The following CD8B2 variants were observed in gnomAD, a reference collection of about 807,000 sequenced individuals.
The protein encoded by CD8B2 is CD8B family member 2, also known as T-cell surface glycoprotein CD8 beta-2 chain.
In CD8B2, 11 loss-of-function variants were observed where a neutral mutation model predicts 23.7. The ratio of observed to expected loss-of-function variants is 0.46; its 90% CI spans 0.29 to 0.77. The LOEUF (loss-of-function observed/expected upper bound fraction) is 0.77, where lower values mean the gene tolerates loss of function less well. CD8B2 is among the 30% of genes least tolerant of loss of function. CD8B2 has a pLI of 0.09. For synonymous variants in CD8B2, 90 were observed against 109.3 expected, an observed-to-expected ratio of 0.82 and a Z score of 1.10; for missense variants, 197 against 270.5, an observed-to-expected ratio of 0.73 and a Z score of 1.91.
intron 5 of CD8B2, among the ~76,000 whole-genome samples, chr2:106,523,076 A>T (rs935183672): frequency 1.3e-5 from 2 of 152,108 alleles, no homozygotes; most frequent in African/African-American, 4.8e-5. Flanking sequence ...TTGAACTCAA[A>T]CCCAACTGGC....
Position 106,507,048 on chromosome 2 carries a change from G to C in CD8B2, c.*108G>C, listed in dbSNP as rs1679522673. ...ACATTCAACCCTGGAGAGTTCAATG[G>C]CTGCTGAAGCTGCCTGCTTTTCACT... is the stretch of plus-strand genomic sequence containing the variant. On this transcript the variant is annotated 3_prime_UTR_variant, in exon 6 of 6. Transcript: ENST00000643224. 6.7e-7 allele frequency: 1 copy of C among 1,496,886 alleles called. No individual in the cohort carries two copies. Among genetic ancestry groups the C allele is most frequent in the African/African-American group, 1.4e-5 (1 of 71,222 alleles). 92.7% of individuals were successfully genotyped at this position (1,496,886 alleles called of 1,614,324 possible).
chr2:106,520,326 G>T (rs1355181804), intron 5 of CD8B2, among the ~76,000 whole-genome samples: 1 of 152,208 alleles, frequency 6.6e-6, no homozygotes, highest in East Asian at 1.9e-4. Flanking sequence ...AAGGTGCTGT[G>T]AACCACAGAT....
intron 3 of CD8B2, among the ~76,000 whole-genome samples, chr2:106,500,567 A>ATTTT (rs200601667): frequency 3.4e-5 from 3 of 88,554 alleles, no homozygotes; most frequent in Admixed American, 1.0e-4. Flanking sequence ...TAAATAATTA[A>ATTTT]AAAATACCAA....
At chr2:106,538,727 T>C (rs977281210) in intron 5 of CD8B2, among the ~76,000 whole-genome samples, 2 of 152,124 alleles carry the variant, frequency 1.3e-5, no homozygotes, top group African/African-American at 2.4e-5. Flanking sequence ...TGGCCACATA[T>C]TTTCAAAGGT....
At position 106,507,372 on chromosome 2, in the gene CD8B2, G is replaced by A. The variant is rs1489766913; in HGVS notation, c.*432G>A. ...GGCTGGCTCCCTCTTGGTCTTCCCA[G>A]GCTGGGGCTGACCTTCCTCGCAGAG... On this transcript the variant is annotated 3_prime_UTR_variant, in exon 6 of 6. Coordinates refer to ENST00000643224, the MANE Select transcript of CD8B2 (RefSeq NM_001349727.2). 2 of 988,114 alleles carry A rather than the reference G, an allele frequency of 2.0e-6. No individual in the cohort carries two copies. The highest frequency in any genetic ancestry group is 1.1e-4 in the East Asian group (1 of 8,994). 61.2% of individuals were successfully genotyped at this position (988,114 alleles called of 1,614,324 possible).
chr2:106,531,398 G>A (rs1375560589), intron 5 of CD8B2, among the ~76,000 whole-genome samples: 3 of 152,192 alleles, frequency 2.0e-5, no homozygotes, highest in Admixed American at 2.0e-4. Flanking sequence ...TGAAACATCA[G>A]ACGCTGAAAC....
At position 106,509,269 on chromosome 2, in the gene CD8B2, G is replaced by A. The variant is rs1376020042; in HGVS notation, c.*2329G>A. ...CTCTGCCCATCAGCTCTGAGGACAA[G>A]GGACAGGCTGCCTTCCAAGGCTGAG... On this transcript the variant is annotated 3_prime_UTR_variant, in exon 6 of 6. Transcript: ENST00000643224. 1 of 152,160 alleles carries A rather than the reference G, an allele frequency of 6.6e-6. No individual in the cohort carries two copies. Among genetic ancestry groups the A allele is most frequent in the Non-Finnish European group, 1.5e-5 (1 of 68,038 alleles). 9.4% of individuals were successfully genotyped at this position (152,160 alleles called of 1,614,324 possible).
At chr2:106,530,545 A>AT (rs1417754036) in intron 5 of CD8B2, among the ~76,000 whole-genome samples, 1 of 152,022 alleles carries the variant, frequency 6.6e-6, no homozygotes, top group Non-Finnish European at 1.5e-5. Flanking sequence ...CGCCAGGCTA[A>AT]TTTTTTTGTA....
At chr2:106,523,978 T>C (rs1679869653) in intron 5 of CD8B2, among the ~76,000 whole-genome samples, 1 of 152,178 alleles carries the variant, frequency 6.6e-6, no homozygotes, top group African/African-American at 2.4e-5. Context: ...AGAGTAAATT[T>C]CTATGCTTAT....
downstream of CD8B2, among the ~76,000 whole-genome samples, chr2:106,514,261 G>C (rs1301580813): frequency 1.3e-5 from 2 of 149,860 alleles, no homozygotes; most frequent in Non-Finnish European, 3.0e-5. Flanking sequence ...GCGATTTGGT[G>C]GGGTGGGTGC....
intron 3 of CD8B2, 67 bp downstream of exon 3, chr2:106,496,329 C>T (rs1285684616): frequency 3.7e-6 from 5 of 1,354,230 alleles, no homozygotes; most frequent in Non-Finnish European, 5.1e-6. Flanking sequence ...CCTCCCTCCC[C>T]TCCTTCCTTC....
intron 5 of CD8B2, among the ~76,000 whole-genome samples, chr2:106,517,869 C>G (rs1679755418): frequency 6.6e-6 from 1 of 152,106 alleles, no homozygotes; most frequent in Non-Finnish European, 1.5e-5. Flanking sequence ...CCCGCCACAA[C>G]GCCCGGCTAA....
Position 106,492,833 on chromosome 2 carries a change from G to A in CD8B2, c.403+1600G>A, listed in dbSNP as rs374421667. Among the ~76,000 whole-genome samples the A allele has an allele frequency of 5.3e-5, 8 of 152,354 alleles. No homozygotes were observed. In the South Asian group the frequency reaches 8.3e-4, roughly 16 times the overall value. On this transcript the variant is annotated intron_variant, in intron 2 of 5. Transcript: ENST00000643224. ...GCCTGGGAGGGTGTATTGCAGGCAA[G>A]AAGCTGAGGCATCCCTTCACGTGGG...
intron 3 of CD8B2, among the ~76,000 whole-genome samples, chr2:106,499,700 C>T (rs1277421673): frequency 1.3e-5 from 2 of 151,852 alleles, no homozygotes; most frequent in African/African-American, 4.8e-5. Context: ...ATTCCCTGTG[C>T]TTGTTCACAG....
At chr2:106,536,514 G>T (rs906993232) in intron 5 of CD8B2, among the ~76,000 whole-genome samples, 1 of 152,186 alleles carries the variant, frequency 6.6e-6, no homozygotes, top group East Asian at 1.9e-4. Flanking sequence ...TTAGATATAG[G>T]TTGGTGGGAG....
chr2:106,539,753 A>G (rs1452416383), intron 5 of CD8B2, among the ~76,000 whole-genome samples: 1 of 152,226 alleles, frequency 6.6e-6, no homozygotes, highest in Non-Finnish European at 1.5e-5. Flanking sequence ...ACGGCTTGGA[A>G]ACCAAGCCTC....
intron 1 of CD8B2, among the ~76,000 whole-genome samples, chr2:106,487,773 T>C (rs1057507660): frequency 4.6e-5 from 7 of 152,184 alleles, no homozygotes; most frequent in Non-Finnish European, 8.8e-5. Context: ...AGAGGGTCAC[T>C]GGAGGTCACC....
chr2:106,515,225 T>G (rs1315069069), downstream of CD8B2, among the ~76,000 whole-genome samples: 1 of 152,234 alleles, frequency 6.6e-6, no homozygotes, highest in Non-Finnish European at 1.5e-5. Context: ...TTTTCTGGGA[T>G]GGAGGCTGTC....
intron 5 of CD8B2, among the ~76,000 whole-genome samples, chr2:106,505,449 AAC>A (rs1454492316): frequency 3.9e-4 from 59 of 152,116 alleles, no homozygotes; most frequent in Non-Finnish European, 2.2e-4. Flanking sequence ...TAAATGAGCT[AAC>A]AGTGCCAATC....
Sources: gnomAD v4.1 joint callset for allele counts (sites outside exome capture counted in the v4.1 genomes callset) on GRCh38, gnomAD v4.1.1 for gene constraint, MANE v1.5 for transcripts, NCBI Gene and HGNC (gene_info 2026-07-23, HGNC 2026-07-21) for gene names.